The following NEIL3 variants were observed in gnomAD, a reference collection of about 807,000 sequenced individuals.
NEIL3 encodes the protein endonuclease 8-like 3.
In NEIL3, 48 loss-of-function variants were observed where a neutral mutation model predicts 57.5. That is an observed-to-expected ratio of 0.83 (90% confidence interval 0.66 to 1.06). The LOEUF (loss-of-function observed/expected upper bound fraction) is 1.06, where lower values mean the gene tolerates loss of function less well. NEIL3 is among the 50% of genes least tolerant of loss of function. The pLI, the probability that NEIL3 is intolerant of heterozygous loss-of-function variation, is 0.00. For missense variants in NEIL3, 717 were observed against 739.1 expected, an observed-to-expected ratio of 0.97 and a Z score of 0.35; for synonymous variants, 261 against 253.2, an observed-to-expected ratio of 1.03 and a Z score of -0.29.
rs1198477745 is a variant in NEIL3 at position 177,353,556 on chromosome 4, C to T, written c.1288C>T (p.Gln430Ter). The stretch of plus-strand genomic sequence containing the variant: ...TGCTAGTGTTTGTTTGAATGATATA[C>T]AGCACCCCTCCAAGAAGACAACAAA... ...PPASVCLNDI[Q>*]HPSKKTTNDI... The change falls in exon 8 of 10, where the codon CAG (glutamine) becomes TAG (stop). Residue 430 changes from glutamine (Q) to a stop codon, truncating the protein, a stop_gained. Coordinates refer to ENST00000264596, the MANE Select transcript of NEIL3 (RefSeq NM_018248.3). LOFTEE classifies it high-confidence loss of function. 6.2e-7 allele frequency: 1 copy of T among 1,612,934 alleles called. No individual in the cohort carries two copies. The highest frequency in any genetic ancestry group is 8.5e-7 in the Non-Finnish European group (1 of 1,179,338).
At chr4:177,352,816 C>A (rs1362031698) in intron 7 of NEIL3, among the ~76,000 whole-genome samples, 2 of 146,056 alleles carry the variant, frequency 1.4e-5, no homozygotes, top group Non-Finnish European at 3.0e-5. Context: ...GGCAACAGAA[C>A]AAGACTCCGT....
intron 4 of NEIL3, among the ~76,000 whole-genome samples, chr4:177,339,531 G>C (rs2063060): frequency 0.24 from 37,215 of 152,036 alleles, 5,363 homozygotes; most frequent in East Asian, 0.44. Flanking sequence ...TAAAGTTATT[G>C]CTCCTCATCA....
At chr4:177,329,434 A>G (rs574312002) in intron 2 of NEIL3, among the ~76,000 whole-genome samples, 3 of 152,314 alleles carry the variant, frequency 2.0e-5, no homozygotes, top group Non-Finnish European at 4.4e-5. Context: ...TATCAAAAGA[A>G]AGCTGGAGTA....
chr4:177,330,315 G>A (rs779002870), intron 2 of NEIL3, among the ~76,000 whole-genome samples: 14 of 151,998 alleles, frequency 9.2e-5, no homozygotes, highest in African/African-American at 2.9e-4. Context: ...AAATGAAAAC[G>A]CCAGATCAAA....
intron 1 of NEIL3, among the ~76,000 whole-genome samples, chr4:177,320,464 GTCT>G (rs2111115375): frequency 1.1e-5 from 1 of 91,618 alleles, no homozygotes; most frequent in East Asian, 3.4e-4. Context: ...AGTGACTGCT[GTCT>G]TTTTTTTTTT....
chr4:177,323,734 C>T (rs1448349455), intron 2 of NEIL3, among the ~76,000 whole-genome samples: 1 of 152,154 alleles, frequency 6.6e-6, no homozygotes. Context: ...TAGTTGAAAA[C>T]ATTGATATGT....
chr4:177,362,323 G>GC lies in NEIL3; in HGVS notation c.1671dup (p.Lys558GlnfsTer14), dbSNP rs749542834. The GC allele has an allele frequency of 6.2e-7, 1 of 1,607,436 alleles. No individual in the cohort carries two copies. Among genetic ancestry groups the GC allele is most frequent in the Non-Finnish European group, 8.5e-7 (1 of 1,177,448 alleles). On this transcript the variant is annotated frameshift_variant, in exon 10 of 10. Coordinates refer to ENST00000264596, the MANE Select transcript of NEIL3 (RefSeq NM_018248.3). LOFTEE classifies it high-confidence loss of function. ...TTGTCCTTCCCATTCTGCAACCATGGCAAGCGTTCCACCATGAAAACAGTA... is the reference window on the plus strand; with the variant it reads ...TTGTCCTTCCCATTCTGCAACCATGGCCAAGCGTTCCACCATGAAAACAGTA...
intron 1 of NEIL3, among the ~76,000 whole-genome samples, chr4:177,318,935 T>C (rs1451944971): frequency 1.3e-5 from 2 of 152,252 alleles, no homozygotes; most frequent in African/African-American, 4.8e-5. Flanking sequence ...AGTAAACTTT[T>C]CTAAAATGAG....
At chr4:177,350,014 A>T (rs143886446) in intron 6 of NEIL3, among the ~76,000 whole-genome samples, 2 of 152,370 alleles carry the variant, frequency 1.3e-5, no homozygotes, top group East Asian at 3.8e-4. Context: ...CCATAGGGAT[A>T]ATAAATACTG....
At chr4:177,335,891 T>A in intron 3 of NEIL3, 69 bp downstream of exon 3, 2 of 1,362,346 alleles carry the variant, frequency 1.5e-6, no homozygotes, top group Non-Finnish European at 2.0e-6. Context: ...GTCACACGTG[T>A]AACTAAAGAA....
chr4:177,368,494 G>A, the NEIL3 span, among the ~76,000 whole-genome samples: 19 of 152,114 alleles, frequency 1.2e-4, no homozygotes, highest in African/African-American at 2.2e-4. Context: ...ACTATGGTCC[G>A]CATCATGTTG....
At chr4:177,349,558 C>G (rs1239389388) in intron 6 of NEIL3, among the ~76,000 whole-genome samples, 1 of 152,136 alleles carries the variant, frequency 6.6e-6, no homozygotes, top group Non-Finnish European at 1.5e-5. Flanking sequence ...CCAAAATAAT[C>G]TCTCTACGCC....
chr4:177,355,208 A>G (rs1025243302), intron 8 of NEIL3, among the ~76,000 whole-genome samples: 1 of 152,170 alleles, frequency 6.6e-6, no homozygotes, highest in Admixed American at 6.5e-5. Context: ...AATTTATAAC[A>G]TATAAATGGA....
intron 6 of NEIL3, 144 bp from the exon 7 acceptor site, chr4:177,351,236 A>AAAAAAAAAAAAC (rs1735343610): frequency 3.6e-6 from 1 of 275,940 alleles, no homozygotes; most frequent in Admixed American, 6.0e-5. Flanking sequence ...AAAAAAAAAA[A>AAAAAAAAAAAAC]AAGACTCTAA....
intron 1 of NEIL3, among the ~76,000 whole-genome samples, chr4:177,318,734 C>T (rs979406214): frequency 6.6e-6 from 1 of 152,164 alleles, no homozygotes; most frequent in Admixed American, 6.5e-5. Flanking sequence ...CCCAATCTTG[C>T]TCTCTCCTTT....
chr4:177,355,639 G>C (rs544678273), intron 8 of NEIL3, among the ~76,000 whole-genome samples: 54 of 152,224 alleles, frequency 3.5e-4, no homozygotes, highest in African/African-American at 1.2e-3. Flanking sequence ...AGATTCACTG[G>C]CTTTTCCTCT....
At chr4:177,320,298 T>C (rs1174388988) in intron 1 of NEIL3, among the ~76,000 whole-genome samples, 1 of 152,008 alleles carries the variant, frequency 6.6e-6, no homozygotes, top group African/African-American at 2.4e-5. Flanking sequence ...TTTTCCTCAC[T>C]GAGTACTCAA....
At position 177,322,574 on chromosome 4, in the gene NEIL3, C is replaced by G. The variant is rs1476754676; in HGVS notation, c.272C>G (p.Ala91Gly). ...KELFMYFGPK[A>G]LRIHFGMKGF... ...CTCTTTATGTACTTTGGACCAAAAGCTTTACGGTAAGATAAGCCTGTACGA... is the reference window on the plus strand; with the variant it reads ...CTCTTTATGTACTTTGGACCAAAAGGTTTACGGTAAGATAAGCCTGTACGA... Residue 91 changes from alanine to glycine, a missense_variant, in exon 2 of 10, where the codon GCT (alanine) becomes GGT (glycine). Physicochemically the swap from Ala to Gly is moderately conservative, Grantham distance 60 (BLOSUM62 0). Coordinates refer to ENST00000264596, the MANE Select transcript of NEIL3 (RefSeq NM_018248.3). 4 of 1,613,592 alleles carry G rather than the reference C, an allele frequency of 2.5e-6. No individual in the cohort carries two copies. Among genetic ancestry groups the G allele is most frequent in the Non-Finnish European group, 3.4e-6 (4 of 1,179,748 alleles).
chr4:177,336,179 T>G lies in NEIL3; in HGVS notation c.485T>G (p.Phe162Cys). Residue 162 changes from phenylalanine (F) to cysteine (C), a missense_variant, in exon 4 of 10, where the codon TTC (phenylalanine) becomes TGC (cysteine). Coordinates refer to ENST00000264596, the MANE Select transcript of NEIL3 (RefSeq NM_018248.3). ...ELDVCSPEFS[F>C]LRAESEVKKQ... is the part of the protein sequence containing the mutation. ...GATGTATGTTCACCTGAATTTAGTT[T>G]CTTGAGAGCAGAAAGTGAAGTTAAA... The G allele has an allele frequency of 6.2e-7, 1 of 1,614,058 alleles. No individual in the cohort carries two copies. Among genetic ancestry groups the G allele is most frequent in the Non-Finnish European group, 8.5e-7 (1 of 1,179,906 alleles).
Sources: gnomAD v4.1 joint callset for allele counts (sites outside exome capture counted in the v4.1 genomes callset) on GRCh38, gnomAD v4.1.1 for gene constraint, MANE v1.5 for transcripts, NCBI Gene and HGNC (gene_info 2026-07-23, HGNC 2026-07-21) for gene names.